Variants in ANK3 observed in about 807,000 individuals in gnomAD.
The protein encoded by ANK3 is ankyrin 3.
ANK3 carries 57 observed loss-of-function variants against 370.9 expected under a neutral mutation model. The observed-to-expected ratio is 0.15, with a 90% CI of 0.12 to 0.19. The LOEUF (loss-of-function observed/expected upper bound fraction) is 0.19. Ranked by LOEUF, ANK3 falls within the 10% of genes least tolerant of loss-of-function variation. The pLI is 1.00. For synonymous variants in ANK3, 1,929 were observed against 1,946.3 expected, an observed-to-expected ratio of 0.99 and a Z score of 0.23; for missense variants, 4,439 against 5,302.1, an observed-to-expected ratio of 0.84 and a Z score of 5.06.
intron 2 of ANK3, among the ~76,000 whole-genome samples, chr10:60,405,009 T>TA: frequency 1.3e-5 from 2 of 152,254 alleles, no homozygotes; most frequent in African/African-American, 4.8e-5. Context: ...AGGCTAAAAT[T>TA]AAAGACTGAC....
intron 2 of ANK3, among the ~76,000 whole-genome samples, chr10:60,614,363 C>T (rs1019121216): frequency 6.6e-6 from 1 of 152,070 alleles, no homozygotes; most frequent in African/African-American, 2.4e-5. Context: ...CCAAGTTAAA[C>T]GTTTTGTTTC....
intron 2 of ANK3, among the ~76,000 whole-genome samples, chr10:60,436,506 G>T (rs944763401): frequency 1.3e-5 from 2 of 152,136 alleles, no homozygotes; most frequent in Non-Finnish European, 2.9e-5. Context: ...ATTCTAGTTG[G>T]TGTAAAATGA....
intron 2 of ANK3, among the ~76,000 whole-genome samples, chr10:60,595,569 A>C (rs567084059): frequency 6.6e-6 from 1 of 152,238 alleles, no homozygotes; most frequent in East Asian, 1.9e-4. Flanking sequence ...TATCTATAAG[A>C]GCAACTGGAG....
At chr10:60,402,512 C>A (rs1393713988) in intron 2 of ANK3, among the ~76,000 whole-genome samples, 1 of 152,128 alleles carries the variant, frequency 6.6e-6, no homozygotes, top group Non-Finnish European at 1.5e-5. Flanking sequence ...ATCCTATATG[C>A]ACACTCACTT....
At chr10:60,300,132 G>A (rs1031435272) in intron 1 of ANK3, among the ~76,000 whole-genome samples, 1 of 152,058 alleles carries the variant, frequency 6.6e-6, no homozygotes, top group African/African-American at 2.4e-5. Flanking sequence ...TCTAGAGTCC[G>A]GATCGGAACA....
At chr10:60,550,463 G>C (rs186496403) in intron 2 of ANK3, among the ~76,000 whole-genome samples, 10 of 151,868 alleles carry the variant, frequency 6.6e-5, no homozygotes, top group Non-Finnish European at 5.9e-5. Flanking sequence ...AAAGAGTATA[G>C]AAAAGATGTA....
chr10:60,339,412 A>G (rs1555312222), intron 1 of ANK3, among the ~76,000 whole-genome samples: 1 of 152,198 alleles, frequency 6.6e-6, no homozygotes, highest in Non-Finnish European at 1.5e-5. Context: ...TCCCATGCAC[A>G]TACCTATTTC....
At chr10:60,477,599 G>C (rs2075105870) in intron 2 of ANK3, among the ~76,000 whole-genome samples, 1 of 150,772 alleles carries the variant, frequency 6.6e-6, no homozygotes, top group Admixed American at 6.6e-5. Context: ...AAGTGTTACA[G>C]GGCTATTAAA....
At chr10:60,504,543 A>G (rs1261214115) in intron 2 of ANK3, among the ~76,000 whole-genome samples, 1 of 152,168 alleles carries the variant, frequency 6.6e-6, no homozygotes, top group African/African-American at 2.4e-5. Flanking sequence ...TGAAGAGTGG[A>G]ATAAAATGAC....
intron 1 of ANK3, among the ~76,000 whole-genome samples, chr10:60,280,774 A>G (rs1317752096): frequency 6.6e-6 from 1 of 152,220 alleles, no homozygotes; most frequent in African/African-American, 2.4e-5. Flanking sequence ...TCTTTCAGCA[A>G]TATGGTAAAC....
chr10:60,657,310 G>A (rs1321127330), intron 1 of ANK3, among the ~76,000 whole-genome samples: 6 of 152,156 alleles, frequency 3.9e-5, no homozygotes, highest in African/African-American at 1.4e-4. Flanking sequence ...AGATGTGGGT[G>A]GGGACACAAC....
chr10:60,679,238 G>A (rs114844156), intron 1 of ANK3, among the ~76,000 whole-genome samples: 118 of 152,264 alleles, frequency 7.7e-4, no homozygotes, highest in African/African-American at 2.7e-3. Flanking sequence ...TGAGTAGAAG[G>A]GAGATACTGT....
intron 2 of ANK3, among the ~76,000 whole-genome samples, chr10:60,555,904 G>A (rs935261866): frequency 6.6e-6 from 1 of 152,156 alleles, no homozygotes; most frequent in Non-Finnish European, 1.5e-5. Context: ...AGTGATCAAG[G>A]CAGTAAATAA....
At chr10:60,712,672 T>C (rs2079726437) in intron 1 of ANK3, among the ~76,000 whole-genome samples, 1 of 151,980 alleles carries the variant, frequency 6.6e-6, no homozygotes, top group Non-Finnish European at 1.5e-5. Flanking sequence ...ACTGTTAGAA[T>C]GAATTTAAAA....
chr10:60,530,226 A>G (rs1295395984), intron 2 of ANK3, among the ~76,000 whole-genome samples: 2 of 152,178 alleles, frequency 1.3e-5, no homozygotes, highest in Non-Finnish European at 2.9e-5. Context: ...AGTCCATGAA[A>G]GGAAGCTCAC....
chr10:60,286,876 T>A, intron 1 of ANK3, among the ~76,000 whole-genome samples: 1 of 152,194 alleles, frequency 6.6e-6, no homozygotes, highest in Non-Finnish European at 1.5e-5. Flanking sequence ...GGCTTGAGGT[T>A]TTTTGTTTTT....
rs1239362879 is a variant in ANK3 at position 60,068,722 on chromosome 10, A to T, written c.12159T>A (p.Ser4053=). The T allele has an allele frequency of 6.2e-7, 1 of 1,614,124 alleles. No individual in the cohort carries two copies. The highest frequency in any genetic ancestry group is 1.1e-5 in the South Asian group (1 of 91,074). Residue 4053 remains serine, a synonymous_variant, in exon 37 of 44, where the codon TCT becomes TCA. Transcript: ENST00000280772. ...RGGQPSVTTK[S]ARDKKTEAAP... ...CTGCCTCTGTTTTCTTATCTCTAGC[A>T]GACTTCGTTGTAACCGAAGGCTGGC... is the stretch of plus-strand genomic sequence containing the variant.
chr10:60,439,649 A>G (rs2133003350), intron 2 of ANK3, among the ~76,000 whole-genome samples: 1 of 152,358 alleles, frequency 6.6e-6, no homozygotes, highest in African/African-American at 2.4e-5. Flanking sequence ...CATCCAACTG[A>G]GGATACACGC....
At chr10:60,359,407 T>C (rs1161353389) in intron 1 of ANK3, among the ~76,000 whole-genome samples, 2 of 152,184 alleles carry the variant, frequency 1.3e-5, no homozygotes, top group African/African-American at 4.8e-5. Context: ...TCTACAAATA[T>C]ATACCAAGCC....
Sources: allele counts gnomAD v4.1 joint callset (sites outside exome capture counted in the v4.1 genomes callset), GRCh38; gene constraint gnomAD v4.1.1; transcripts MANE v1.5; gene names NCBI Gene and HGNC (gene_info 2026-07-23, HGNC 2026-07-21).